The following PPP6R3 variants were observed in gnomAD, a reference collection of about 807,000 sequenced individuals.
PPP6R3 encodes protein phosphatase 6 regulatory subunit 3.
Under a neutral mutation model 110.7 loss-of-function variants are expected in PPP6R3, and 38 were observed. That is an observed-to-expected ratio of 0.34 (90% CI 0.26 to 0.45). The LOEUF is 0.45. Among genes scored for constraint, PPP6R3 ranks in the 20% least tolerant of loss-of-function variants. The pLI is 1.00. For synonymous variants in PPP6R3, 369 were observed against 373.5 expected (o/e 0.99, Z 0.14); for missense variants, 870 against 1,062.4 (o/e 0.82, Z 2.52).
intron 3 of PPP6R3, among the ~76,000 whole-genome samples, chr11:68,543,898 T>C (rs921752287): frequency 1.3e-5 from 2 of 152,150 alleles, no homozygotes; most frequent in African/African-American, 4.8e-5. Context: ...AGAGGGTCAG[T>C]GGTCTGGTTG....
chr11:68,512,593 CG>C (rs2099116296), intron 1 of PPP6R3, among the ~76,000 whole-genome samples: 1 of 152,124 alleles, frequency 6.6e-6, no homozygotes, highest in African/African-American at 2.4e-5. Context: ...TGTCTTTATT[CG>C]TAAATTAAGT....
In PPP6R3 at chr11:68,614,222, ATT is replaced by A. The variant is rs140103060; in HGVS notation, c.*1111_*1112del. The A allele has an allele frequency of 1.0e-6, 1 of 987,804 alleles. No individual in the cohort carries two copies. The highest frequency in any genetic ancestry group is 1.7e-5 in the African/African-American group (1 of 57,144). 61.2% of individuals were successfully genotyped at this position (987,804 alleles called of 1,614,324 possible). On this transcript the variant is annotated 3_prime_UTR_variant, in exon 24 of 24. Coordinates refer to ENST00000393800, the MANE Select transcript of PPP6R3 (RefSeq NM_001164161.2). ...TTCACTCATAAATTTAAACCAGTGT[ATT>A]TTTTTAGAACTGGTTTGTGTATATA...
intron 1 of PPP6R3, among the ~76,000 whole-genome samples, chr11:68,490,993 C>A (rs536239841): frequency 1.2e-4 from 19 of 152,170 alleles, no homozygotes; most frequent in African/African-American, 3.4e-4. Context: ...TGAGACCAAC[C>A]TGGTCAACTT....
intron 1 of PPP6R3, among the ~76,000 whole-genome samples, chr11:68,480,797 C>T (rs1267379720): frequency 1.3e-5 from 2 of 152,112 alleles, no homozygotes; most frequent in Non-Finnish European, 2.9e-5. Flanking sequence ...TTTCATTTTG[C>T]TAAGAGTTAG....
chr11:68,548,315 G>A (rs2099357224), intron 5 of PPP6R3, 111 bp downstream of exon 5: 2 of 1,363,774 alleles, frequency 1.5e-6, no homozygotes, highest in African/African-American at 2.9e-5. Context: ...GGTAGCAGAG[G>A]GTTGTCTGGG....
intron 2 of PPP6R3, among the ~76,000 whole-genome samples, chr11:68,526,963 A>G (rs751040986): frequency 2.0e-5 from 3 of 152,222 alleles, no homozygotes; most frequent in Admixed American, 6.5e-5. Flanking sequence ...TAAAAAAGTG[A>G]AGTGAATGAT....
At chr11:68,585,810 A>T (rs2099576640) in intron 15 of PPP6R3, among the ~76,000 whole-genome samples, 1 of 152,234 alleles carries the variant, frequency 6.6e-6, no homozygotes, top group African/African-American at 2.4e-5. Flanking sequence ...AGATAAATAT[A>T]TATCTGTATA....
chr11:68,477,740 AAATATATAT>A (rs1242478570), intron 1 of PPP6R3, among the ~76,000 whole-genome samples: 5 of 70,640 alleles, frequency 7.1e-5, no homozygotes, highest in South Asian at 5.3e-4. Context: ...AAAAAAAAAA[AAATATATAT>A]ATATATATAT....
rs142247126 is a variant in PPP6R3, at chr11:68,584,057, C to G, written c.1632+928C>G. Among the ~76,000 whole-genome samples the G allele has an allele frequency of 7.9e-3, 1,200 of 152,334 alleles. 19 individuals carry two copies. Among genetic ancestry groups the G allele is most frequent in the African/African-American group, 0.027 (1,136 of 41,564 alleles). ...TAAGCAATTGTTTGATTTTAATACT[C>G]AGACAGTTTAGAGTTTACCTTTCCC... On this transcript the variant is annotated intron_variant, in intron 15 of 23. Transcript: ENST00000393800.
At chr11:68,605,860 T>C (rs1410034508) in intron 22 of PPP6R3, among the ~76,000 whole-genome samples, 1 of 152,188 alleles carries the variant, frequency 6.6e-6, no homozygotes, top group East Asian at 1.9e-4. Flanking sequence ...AGTAAGTAAA[T>C]GCTATTTCGT....
chr11:68,478,646 A>ATTTTTTTTTTT (rs1565292839), intron 1 of PPP6R3, among the ~76,000 whole-genome samples: 2 of 10,762 alleles, frequency 1.9e-4, no homozygotes, highest in Non-Finnish European at 4.0e-4. Context: ...GCACTTGGTA[A>ATTTTTTTTTTT]GTTTTTTTTT....
chr11:68,465,271 A>C (rs960711749), intron 1 of PPP6R3, among the ~76,000 whole-genome samples: 7 of 152,210 alleles, frequency 4.6e-5, no homozygotes, highest in Admixed American at 2.0e-4. Flanking sequence ...GGGCACAGAT[A>C]GGCATACAGT....
At chr11:68,609,517 G>T in intron 22 of PPP6R3, 1 of 1,380,000 alleles carries the variant, frequency 7.2e-7, no homozygotes, top group Non-Finnish European at 1.0e-6. Flanking sequence ...CTTACGTGCA[G>T]TCGTGGACAT....
At chr11:68,532,243 C>T (rs538309245) in intron 2 of PPP6R3, among the ~76,000 whole-genome samples, 2 of 152,206 alleles carry the variant, frequency 1.3e-5, no homozygotes, top group East Asian at 1.9e-4. Context: ...AGTTGATCTT[C>T]GATGAATAGA....
At chr11:68,511,253 G>T (rs1358537642) in intron 1 of PPP6R3, among the ~76,000 whole-genome samples, 1 of 151,872 alleles carries the variant, frequency 6.6e-6, no homozygotes, top group Non-Finnish European at 1.5e-5. Context: ...TTTTAGTAGA[G>T]ACGGGGTTTC....
At chr11:68,498,663 A>G (rs2099032104) in intron 1 of PPP6R3, among the ~76,000 whole-genome samples, 3 of 152,308 alleles carry the variant, frequency 2.0e-5, no homozygotes, top group South Asian at 4.1e-4. Flanking sequence ...GTCATTGCAT[A>G]CAGTTGATTA....
chr11:68,612,988 TG>T, intron 23 of PPP6R3, 77 bp from the exon 24 acceptor site: 1 of 1,609,318 alleles, frequency 6.2e-7, no homozygotes, highest in Non-Finnish European at 8.5e-7. Flanking sequence ...TCCCTGCCCT[TG>T]GGGAGCTCAG....
intron 1 of PPP6R3, among the ~76,000 whole-genome samples, chr11:68,469,480 T>G (rs578090503): frequency 1.6e-4 from 25 of 152,052 alleles, no homozygotes; most frequent in Non-Finnish European, 2.4e-4. Flanking sequence ...CTGAAACGAT[T>G]CTCTCACCTC....
chr11:68,576,285 A>C (rs771190041), intron 14 of PPP6R3, among the ~76,000 whole-genome samples: 3 of 152,184 alleles, frequency 2.0e-5, no homozygotes, highest in Non-Finnish European at 2.9e-5. Flanking sequence ...TCTGCTCCAC[A>C]TCCTACTTAG....
Sources: gnomAD v4.1 joint callset for allele counts (sites outside exome capture counted in the v4.1 genomes callset) on GRCh38, gnomAD v4.1.1 for gene constraint, MANE v1.5 for transcripts, NCBI Gene and HGNC (gene_info 2026-07-23, HGNC 2026-07-21) for gene names.